The following GPC3 variants were observed in gnomAD, a reference collection of about 807,000 sequenced individuals.
GPC3 encodes the protein glypican 3.
Under a neutral mutation model 34.4 loss-of-function variants are expected in GPC3, and 3 were observed. That is an observed-to-expected ratio of 0.09 (90% CI 0.04 to 0.23). The LOEUF (loss-of-function observed/expected upper bound fraction) is 0.23, where lower values mean the gene tolerates loss of function less well. GPC3 is among the 10% of genes least tolerant of loss of function. The pLI is 1.00. For synonymous variants in GPC3, 177 were observed against 174.0 expected, an observed-to-expected ratio of 1.02 and a Z score of -0.13; for missense variants, 351 against 445.6, an observed-to-expected ratio of 0.79 and a Z score of 1.91.
chrX:133,598,624 T>G (rs1181667730), intron 6 of GPC3, among the ~76,000 whole-genome samples: 1 of 112,042 alleles, frequency 8.9e-6, no homozygotes, highest in East Asian at 2.8e-4. Context: ...AGCAGACTTT[T>G]CAGATAATTG....
At chrX:133,847,098 G>T (rs1320889687) in intron 2 of GPC3, among the ~76,000 whole-genome samples, 1 of 111,610 alleles carries the variant, frequency 9.0e-6, no homozygotes, top group Non-Finnish European at 1.9e-5. Flanking sequence ...ATATAACTGA[G>T]TATATGCATA....
At chrX:133,910,178 T>C (rs923826550) in intron 2 of GPC3, among the ~76,000 whole-genome samples, 1 of 110,569 alleles carries the variant, frequency 9.0e-6, no homozygotes, top group African/African-American at 3.3e-5. Context: ...CTGATCTCCA[T>C]CCTCATGGCT....
chrX:133,665,513 A>G (rs759087581), intron 5 of GPC3, among the ~76,000 whole-genome samples: 2 of 112,592 alleles, frequency 1.8e-5, no homozygotes, highest in East Asian at 5.6e-4. Context: ...TCTAGTTCTG[A>G]CATTCATAAT....
intron 6 of GPC3, among the ~76,000 whole-genome samples, chrX:133,643,251 C>T (rs1476373001): frequency 9.0e-6 from 1 of 110,726 alleles, no homozygotes; most frequent in Non-Finnish European, 1.9e-5. Context: ...AGGCTTGGAA[C>T]ACTGGGTCAG....
chrX:133,841,541 G>A (rs1037553651), intron 2 of GPC3, among the ~76,000 whole-genome samples: 1 of 110,206 alleles, frequency 9.1e-6, no homozygotes, highest in African/African-American at 3.3e-5. Context: ...AGAGAGAAAA[G>A]TGATCAGTTA....
At chrX:133,809,046 A>G (rs1037826302) in intron 2 of GPC3, among the ~76,000 whole-genome samples, 3 of 112,066 alleles carry the variant, frequency 2.7e-5, no homozygotes. Flanking sequence ...TGGAAAAGAG[A>G]CAGACAATGG....
rs956624723 is a variant in GPC3, at chrX:133,647,021, T to C, written c.1413+14709A>G. Among the ~76,000 whole-genome samples the C allele has an allele frequency of 5.4e-5, 6 of 111,964 alleles. No individual in the cohort carries two copies. In the Admixed American group the frequency reaches 5.7e-4, roughly 11 times the overall value. On this transcript the variant is annotated intron_variant, in intron 6 of 7. Transcript: ENST00000370818. ...GATGACTTCTTGAAGAAATAAAATA[T>C]TCTGTACATACTTGAAAAGCAAAAC...
chrX:133,825,727 C>G (rs1217472116), intron 2 of GPC3, among the ~76,000 whole-genome samples: 1 of 111,840 alleles, frequency 8.9e-6, no homozygotes, highest in Non-Finnish European at 1.9e-5. Context: ...TGCTCATCCT[C>G]GGGAAAGACC....
intron 2 of GPC3, among the ~76,000 whole-genome samples, chrX:133,930,639 A>AT (rs1321259458): frequency 1.8e-5 from 2 of 111,771 alleles, no homozygotes; most frequent in East Asian, 5.7e-4. Flanking sequence ...ATACAATTTT[A>AT]TTTTTTTTCT....
intron 3 of GPC3, among the ~76,000 whole-genome samples, chrX:133,751,059 C>A (rs1393792211): frequency 9.9e-6 from 1 of 100,549 alleles, no homozygotes; most frequent in African/African-American, 3.6e-5. Flanking sequence ...GGCGACAGAG[C>A]GAGACTCTGT....
At chrX:133,895,492 T>C (rs1295794996) in intron 2 of GPC3, among the ~76,000 whole-genome samples, 1 of 111,400 alleles carries the variant, frequency 9.0e-6, no homozygotes, top group Non-Finnish European at 1.9e-5. Context: ...ATCCCTGCCA[T>C]TCCTTATTAA....
chrX:133,791,840 C>A (rs1246671456), intron 2 of GPC3, among the ~76,000 whole-genome samples: 2 of 92,612 alleles, frequency 2.2e-5, no homozygotes, highest in East Asian at 6.3e-4. Context: ...TTCCTTCCTT[C>A]CTTCCTTCCT....
chrX:133,710,215 C>A (rs536882859), intron 3 of GPC3, among the ~76,000 whole-genome samples: 1 of 112,003 alleles, frequency 8.9e-6, no homozygotes, highest in African/African-American at 3.2e-5. Flanking sequence ...CAGCCTGCTG[C>A]TAAATTGAAC....
At chrX:133,643,450 A>G (rs2070504917) in intron 6 of GPC3, among the ~76,000 whole-genome samples, 1 of 111,917 alleles carries the variant, frequency 8.9e-6, no homozygotes, top group African/African-American at 3.3e-5. Flanking sequence ...TATTTCAAAA[A>G]GTTTATTTAA....
intron 2 of GPC3, among the ~76,000 whole-genome samples, chrX:133,861,107 T>C (rs1286157233): frequency 9.0e-6 from 1 of 111,300 alleles, no homozygotes; most frequent in African/African-American, 3.3e-5. Context: ...AAAAAATTGA[T>C]TGAATTGAAT....
intron 2 of GPC3, among the ~76,000 whole-genome samples, chrX:133,754,619 A>C (rs1024610245): frequency 8.0e-5 from 9 of 112,279 alleles, no homozygotes; most frequent in African/African-American, 2.9e-4. Context: ...ACATTGTATA[A>C]ACTCACACAA....
chrX:133,856,219 A>G (rs1438013560), intron 2 of GPC3, among the ~76,000 whole-genome samples: 2 of 111,324 alleles, frequency 1.8e-5, no homozygotes, highest in Admixed American at 9.6e-5. Flanking sequence ...GGATGTACTA[A>G]TTTATATTCC....
intron 2 of GPC3, among the ~76,000 whole-genome samples, chrX:133,846,946 T>C (rs946693395): frequency 8.9e-6 from 1 of 111,884 alleles, no homozygotes; most frequent in Non-Finnish European, 1.9e-5. Flanking sequence ...CAGATTTTTT[T>C]CCTAAGTTTT....
chrX:133,759,351 A>G (rs2071762850), intron 2 of GPC3, among the ~76,000 whole-genome samples: 1 of 111,820 alleles, frequency 8.9e-6, no homozygotes, highest in African/African-American at 3.2e-5. Context: ...CATGACCTGA[A>G]TTCAAGAATT....
Sources: gnomAD v4.1 joint callset for allele counts (sites outside exome capture counted in the v4.1 genomes callset) on GRCh38, gnomAD v4.1.1 for gene constraint, MANE v1.5 for transcripts, NCBI Gene and HGNC (gene_info 2026-07-23, HGNC 2026-07-21) for gene names.